Variants in LRP1B observed in about 807,000 individuals in gnomAD.
LRP1B encodes the protein LDL receptor related protein 1B.
A neutral mutation model predicts 556.6 loss-of-function variants in LRP1B; 217 were observed. The ratio of observed to expected loss-of-function variants is 0.39; its 90% CI spans 0.35 to 0.44. The LOEUF is 0.44. LRP1B is among the 20% of genes least tolerant of loss of function. The pLI, the probability that LRP1B is intolerant of heterozygous loss-of-function variation, is 1.00. For missense variants in LRP1B, 5,053 were observed against 5,620.8 expected, an observed-to-expected ratio of 0.90 and a Z score of 3.23; for synonymous variants, 2,047 against 1,865.8, an observed-to-expected ratio of 1.10 and a Z score of -2.50.
At chr2:141,772,535 T>C (rs1295723856) in intron 2 of LRP1B, among the ~76,000 whole-genome samples, 2 of 152,158 alleles carry the variant, frequency 1.3e-5, no homozygotes, top group South Asian at 2.1e-4. Context: ...TCAGTAACTC[T>C]GGGATAGGGT....
chr2:140,963,459 A>T (rs540026210), intron 18 of LRP1B, among the ~76,000 whole-genome samples: 40 of 150,008 alleles, frequency 2.7e-4, no homozygotes, highest in South Asian at 1.7e-3. Context: ...ATATATATAT[A>T]TTTTTAACCA....
chr2:141,744,392 G>T (rs1402079806), intron 2 of LRP1B, among the ~76,000 whole-genome samples: 1 of 152,054 alleles, frequency 6.6e-6, no homozygotes, highest in African/African-American at 2.4e-5. Context: ...ATGACTTGTT[G>T]TGTGGCCTAA....
intron 3 of LRP1B, among the ~76,000 whole-genome samples, chr2:141,392,467 A>AAAG (rs1690087354): frequency 1.4e-5 from 2 of 145,200 alleles, no homozygotes; most frequent in South Asian, 2.2e-4. Flanking sequence ...TCTTAAAAAA[A>AAAG]AAAAAAAAAA....
chr2:140,431,064 C>T (rs892211099), intron 66 of LRP1B, among the ~76,000 whole-genome samples: 2 of 152,166 alleles, frequency 1.3e-5, no homozygotes, highest in Non-Finnish European at 2.9e-5. Flanking sequence ...TATAATTCCT[C>T]GGTTTAGCCT....
chr2:141,239,179 A>C (rs969750037), intron 5 of LRP1B, among the ~76,000 whole-genome samples: 1 of 152,102 alleles, frequency 6.6e-6, no homozygotes, highest in African/African-American at 2.4e-5. Context: ...GGCAAGAGCA[A>C]AATTTCAAGA....
At chr2:142,130,552 C>A in intron 1 of LRP1B, 96 bp downstream of exon 1, 5 of 1,050,362 alleles carry the variant, frequency 4.8e-6, no homozygotes, top group Non-Finnish European at 6.9e-6. Flanking sequence ...AGCGGAGCTG[C>A]AAGGACTTAA....
At chr2:141,742,803 A>C (rs1693759578) in intron 2 of LRP1B, among the ~76,000 whole-genome samples, 1 of 152,102 alleles carries the variant, frequency 6.6e-6, no homozygotes, top group Non-Finnish European at 1.5e-5. Flanking sequence ...ATGATATTTG[A>C]TAGTTTTCAT....
intron 67 of LRP1B, among the ~76,000 whole-genome samples, chr2:140,381,045 T>A (rs150033254): frequency 1.3e-5 from 2 of 152,292 alleles, no homozygotes; most frequent in African/African-American, 2.4e-5. Flanking sequence ...TATTTATACA[T>A]GTACAAATAC....
chr2:140,371,086 G>A (rs1055527507), intron 70 of LRP1B, 93 bp downstream of exon 70: 4 of 913,680 alleles, frequency 4.4e-6, no homozygotes, highest in African/African-American at 3.4e-5. Context: ...ACCATGCTAA[G>A]AATCAAGATT....
At chr2:141,360,417 T>C (rs1446595446) in intron 3 of LRP1B, among the ~76,000 whole-genome samples, 1 of 152,238 alleles carries the variant, frequency 6.6e-6, no homozygotes. Flanking sequence ...ATTGATACTT[T>C]TGTATAAACA....
chr2:141,111,768 C>T (rs1700756915), intron 7 of LRP1B, among the ~76,000 whole-genome samples: 1 of 152,076 alleles, frequency 6.6e-6, no homozygotes, highest in African/African-American at 2.4e-5. Flanking sequence ...AATTCTACTC[C>T]AGCCGGTAGT....
intron 2 of LRP1B, among the ~76,000 whole-genome samples, chr2:141,661,022 G>A (rs1473736792): frequency 2.6e-5 from 4 of 152,172 alleles, no homozygotes; most frequent in Admixed American, 6.5e-5. Flanking sequence ...AGGTGCAGGA[G>A]GGAACCAGGA....
chr2:140,666,373 T>C (rs1685276443), intron 41 of LRP1B, among the ~76,000 whole-genome samples: 1 of 151,870 alleles, frequency 6.6e-6, no homozygotes. Context: ...GGGAGGGCAT[T>C]AGGAGTCTCG....
chr2:140,323,964 A>G lies in LRP1B; in HGVS notation c.12443T>C (p.Val4148Ala), dbSNP rs1166966580. The G allele has an allele frequency of 6.2e-7, 1 of 1,602,722 alleles. No homozygotes were observed. Among genetic ancestry groups the G allele is most frequent in the Non-Finnish European group, 8.5e-7 (1 of 1,170,198 alleles). ...ATCAATATTTAAAGCTAAGTACTCT[A>G]CTGAACCATGGCCAAATTTTTGAAC... Reference protein sequence around the residue: ...FRVQKFGHGSVEYLALNIDKT... With the variant: ...FRVQKFGHGSAEYLALNIDKT... The change falls in exon 81 of 91, where the codon GTA becomes GCA. Residue 4148 changes from valine to alanine, a missense_variant. Transcript: ENST00000389484.
intron 89 of LRP1B, among the ~76,000 whole-genome samples, chr2:140,236,648 A>G (rs144613898): frequency 6.7e-4 from 101 of 151,046 alleles, no homozygotes; most frequent in African/African-American, 2.2e-3. Flanking sequence ...TATCAATGAA[A>G]TGTTTTAAAC....
At chr2:141,009,161 A>T (rs1219693034) in intron 14 of LRP1B, among the ~76,000 whole-genome samples, 1 of 151,788 alleles carries the variant, frequency 6.6e-6, no homozygotes, top group African/African-American at 2.4e-5. Flanking sequence ...TGCAGTTAAT[A>T]TAAAATATGT....
chr2:140,454,440 C>A (rs1057313591), intron 62 of LRP1B, among the ~76,000 whole-genome samples: 1 of 152,072 alleles, frequency 6.6e-6, no homozygotes, highest in Middle Eastern at 3.2e-3. Context: ...CGTGAGCTAC[C>A]GGGCCTGGGC....
intron 5 of LRP1B, among the ~76,000 whole-genome samples, chr2:141,239,225 C>T (rs1228928754): frequency 6.6e-6 from 1 of 152,068 alleles, no homozygotes; most frequent in African/African-American, 2.4e-5. Context: ...TTCAAGGAGA[C>T]AGTTGTCAGT....
At chr2:140,265,325 T>C (rs1180901106) in intron 86 of LRP1B, among the ~76,000 whole-genome samples, 9 of 152,272 alleles carry the variant, frequency 5.9e-5, no homozygotes, top group Admixed American at 5.9e-4. Flanking sequence ...ATGTATCTAC[T>C]TTAATAAATG....
Sources: gnomAD v4.1 joint callset for allele counts (sites outside exome capture counted in the v4.1 genomes callset) on GRCh38, gnomAD v4.1.1 for gene constraint, MANE v1.5 for transcripts, NCBI Gene and HGNC (gene_info 2026-07-23, HGNC 2026-07-21) for gene names.